The following METTL25 variants were observed in gnomAD, a reference collection of about 807,000 sequenced individuals.
METTL25 encodes probable methyltransferase-like protein 25.
METTL25 carries 64 observed loss-of-function variants against 71.6 expected under a neutral mutation model. The ratio of observed to expected loss-of-function variants is 0.89; its 90% CI spans 0.73 to 1.10. The LOEUF (loss-of-function observed/expected upper bound fraction) is 1.10, where lower values mean the gene tolerates loss of function less well. Among genes scored for constraint, METTL25 ranks in the 50% least tolerant of loss-of-function variants. The pLI is 0.00. For synonymous variants in METTL25, 287 were observed against 250.3 expected, an observed-to-expected ratio of 1.15 and a Z score of -1.38; for missense variants, 807 against 707.0, an observed-to-expected ratio of 1.14 and a Z score of -1.60.
rs182122242 is a variant in METTL25, at chr12:82,457,205, T to A, written c.1572+385T>A. Reference sequence around the variant, plus strand: ...ATTAAAAATCTTAAATTCAAAAGCCTTCAAATAGGAGAATCTTGAAAAGTT... The same window carrying A: ...ATTAAAAATCTTAAATTCAAAAGCCATCAAATAGGAGAATCTTGAAAAGTT... On this transcript the variant is annotated intron_variant, in intron 9 of 11. Transcript: ENST00000248306. 9.7e-4 allele frequency among the ~76,000 whole-genome samples: 148 copies of A among 152,082 alleles called. 3 individuals are homozygous for A. Among genetic ancestry groups the A allele is most frequent in the Admixed American group, 9.0e-3 (138 of 15,274 alleles).
At chr12:82,399,424 A>G (rs754785415) in intron 4 of METTL25, 30 bp downstream of exon 4, 1 of 1,481,212 alleles carries the variant, frequency 6.8e-7, no homozygotes, top group Non-Finnish European at 9.1e-7. Context: ...ATTTAATTTG[A>G]TTTACAAAAA....
intron 5 of METTL25, among the ~76,000 whole-genome samples, chr12:82,416,052 T>C (rs987674214): frequency 6.6e-6 from 1 of 152,134 alleles, no homozygotes; most frequent in African/African-American, 2.4e-5. Flanking sequence ...GTGATTTAAA[T>C]TGAAGTTACA....
At chr12:82,363,878 A>G (rs1882253345) in intron 1 of METTL25, among the ~76,000 whole-genome samples, 1 of 152,186 alleles carries the variant, frequency 6.6e-6, no homozygotes, top group African/African-American at 2.4e-5. Context: ...ATAAGTGCTG[A>G]TCCTAATTGG....
chr12:82,453,682 TAC>T (rs1315571672), intron 8 of METTL25, among the ~76,000 whole-genome samples: 1 of 152,162 alleles, frequency 6.6e-6, no homozygotes, highest in Non-Finnish European at 1.5e-5. Flanking sequence ...TATTTTAAAT[TAC>T]ACTTATTTGT....
chr12:82,416,868 G>T (rs960754306), intron 5 of METTL25, among the ~76,000 whole-genome samples: 1 of 151,966 alleles, frequency 6.6e-6, no homozygotes, highest in Admixed American at 6.6e-5. Flanking sequence ...CCTTTTATCC[G>T]TAGGCAATAT....
chr12:82,399,473 A>G (rs1248186287), intron 4 of METTL25, 79 bp downstream of exon 4: 1 of 1,097,102 alleles, frequency 9.1e-7, no homozygotes, highest in African/African-American at 1.6e-5. Flanking sequence ...CTTAACATAC[A>G]TATCTTACTT....
At chr12:82,395,625 A>G (rs974577326) in intron 3 of METTL25, among the ~76,000 whole-genome samples, 5 of 152,074 alleles carry the variant, frequency 3.3e-5, no homozygotes, top group Non-Finnish European at 7.4e-5. Flanking sequence ...TCTAAAGTAC[A>G]GTACCATACT....
rs760841619 is a variant in METTL25 at position 82,358,586 on chromosome 12, C to T, written c.21C>T (p.Leu7=). 6.2e-7 allele frequency: 1 copy of T among 1,612,296 alleles called. No individual in the cohort carries two copies. The highest frequency in any genetic ancestry group is 2.2e-5 in the East Asian group (1 of 44,864). ...GCGTCATGGCGGCTTCTTGCCCTCT[C>T]CCGGTGACCCCGGACCTGCCCACGC... MAASCP[L]PVTPDLPTLR... is the part of the protein sequence containing the mutation. The change falls in exon 1 of 12, where the codon CTC becomes CTT. Residue 7 remains leucine (L), a synonymous_variant. Coordinates refer to ENST00000248306, the MANE Select transcript of METTL25 (RefSeq NM_032230.3).
At chr12:82,367,582 C>T (rs1369554447) in intron 1 of METTL25, among the ~76,000 whole-genome samples, 1 of 152,162 alleles carries the variant, frequency 6.6e-6, no homozygotes, top group Non-Finnish European at 1.5e-5. Context: ...GTCACCTCTC[C>T]TTTTTAAATC....
At chr12:82,435,670 T>A (rs908750977) in intron 7 of METTL25, among the ~76,000 whole-genome samples, 1 of 151,336 alleles carries the variant, frequency 6.6e-6, no homozygotes, top group Non-Finnish European at 1.5e-5. Context: ...TTTCTTTATC[T>A]GTAAAATAGG....
At chr12:82,386,699 T>C in intron 1 of METTL25, 104 bp from the exon 2 acceptor site, 1 of 884,372 alleles carries the variant, frequency 1.1e-6, no homozygotes, top group Non-Finnish European at 1.7e-6. Context: ...AATGAAAATA[T>C]TGGCATTTGT....
At chr12:82,378,673 G>T (rs1884130875) in intron 1 of METTL25, among the ~76,000 whole-genome samples, 1 of 152,144 alleles carries the variant, frequency 6.6e-6, no homozygotes, top group Admixed American at 6.5e-5. Context: ...TAGTAATTTA[G>T]TTATGTTTAA....
intron 9 of METTL25, chr12:82,474,467 A>G (rs1282651458): frequency 1.3e-5 from 2 of 152,180 alleles, no homozygotes; most frequent in Admixed American, 6.5e-5. Flanking sequence ...TCATCTTGCT[A>G]ATGTCACTTT....
intron 9 of METTL25, among the ~76,000 whole-genome samples, chr12:82,461,098 G>T (rs748380789): frequency 6.6e-6 from 1 of 152,104 alleles, no homozygotes; most frequent in Non-Finnish European, 1.5e-5. Context: ...AGCCAAGATC[G>T]TGCCACTGCA....
intron 8 of METTL25, among the ~76,000 whole-genome samples, chr12:82,446,236 AAC>A (rs1890725786): frequency 6.6e-6 from 1 of 152,198 alleles, no homozygotes. Flanking sequence ...AGGGGACTTG[AAC>A]ACCCCACTTT....
intron 5 of METTL25, chr12:82,407,754 A>G (rs1453951891): frequency 1.1e-6 from 1 of 946,322 alleles, no homozygotes; most frequent in Non-Finnish European, 1.3e-6. Flanking sequence ...GCCAAGAGAT[A>G]AGAGAAAAAT....
chr12:82,432,863 T>TAAAAAAA (rs11358515), intron 6 of METTL25, among the ~76,000 whole-genome samples: 1 of 130,266 alleles, frequency 7.7e-6, no homozygotes, highest in South Asian at 2.5e-4. Context: ...TGGTCTTCTT[T>TAAAAAAA]AAAAAAAAAA....
chr12:82,402,754 C>T (rs1022813424), intron 4 of METTL25, among the ~76,000 whole-genome samples: 1 of 151,934 alleles, frequency 6.6e-6, no homozygotes, highest in African/African-American at 2.4e-5. Flanking sequence ...TCAACTCATG[C>T]TGTGGGCGGT....
chr12:82,424,055 T>C (rs1028347587), intron 5 of METTL25, among the ~76,000 whole-genome samples: 3 of 152,176 alleles, frequency 2.0e-5, no homozygotes, highest in Non-Finnish European at 4.4e-5. Context: ...CAAAGGATTA[T>C]AAATCATGCT....
Sources: gnomAD v4.1 joint callset for allele counts (sites outside exome capture counted in the v4.1 genomes callset) on GRCh38, gnomAD v4.1.1 for gene constraint, MANE v1.5 for transcripts, NCBI Gene and HGNC (gene_info 2026-07-23, HGNC 2026-07-21) for gene names.